WDFY4: variants seen among roughly 807,000 people sequenced by gnomAD.
WDFY4 encodes the protein WD repeat- and FYVE domain-containing protein 4.
A neutral mutation model predicts 351.9 loss-of-function variants in WDFY4; 169 were observed. The ratio of observed to expected loss-of-function variants is 0.48; its 90% CI spans 0.42 to 0.55. The LOEUF is 0.55. WDFY4 is among the 20% of genes least tolerant of loss of function. The pLI, the probability that WDFY4 is intolerant of heterozygous loss-of-function variation, is 0.00. For missense variants in WDFY4, 3,803 were observed against 3,935.6 expected (o/e 0.97, Z 0.90); for synonymous variants, 1,622 against 1,574.6 (o/e 1.03, Z -0.71).
rs751458506 is a variant in WDFY4, at chr10:48,731,598, T to A, written c.1582+36T>A. 14 of 1,530,960 alleles carry A rather than the reference T, an allele frequency of 9.1e-6. No homozygotes were observed. The South Asian group carries it at 1.5e-4, about 16-fold the overall frequency. 94.8% of individuals were successfully genotyped at this position (1,530,960 alleles called of 1,614,324 possible). ...GTGCATTGGGAGGGATGGGCAGGGG[T>A]CAGTGTCAGCCAGGCCTGACCTTTG... is the stretch of plus-strand genomic sequence containing the variant. On this transcript the variant is annotated intron_variant, in intron 9 of 61. Transcript: ENST00000325239.
At position 48,776,831 on chromosome 10, in the gene WDFY4, C is replaced by A. The variant is rs1034862880; in HGVS notation, c.2945C>A (p.Ala982Asp). 4 of 1,551,678 alleles carry A rather than the reference C, an allele frequency of 2.6e-6. No homozygotes were observed. The highest frequency in any genetic ancestry group is 1.2e-5 in the South Asian group (1 of 84,066). ...GGGCTGCACCCTGGAGTCACACAGG[C>A]CCCGCAGCCCTTGGGGGAATCCCAG... ...DAGLHPGVTQ[A>D]PQPLGESQDS... is the part of the protein sequence containing the mutation. Residue 982 changes from alanine (A) to aspartate (D), a missense_variant, in exon 16 of 62, where the codon GCC (alanine) becomes GAC (aspartate). Physicochemically the swap from Ala to Asp is moderately radical, Grantham distance 126. Around this residue, in one of 3 missense-constraint regions of WDFY4, gnomAD observed 3,054 missense variants for 3,148.6 expected, o/e 0.97. Coordinates refer to ENST00000325239, the MANE Select transcript of WDFY4 (RefSeq NM_001394531.1).
Position 48,720,036 on chromosome 10 carries a change from T to C in WDFY4, c.260T>C (p.Ile87Thr). The C allele has an allele frequency of 6.4e-7, 1 of 1,551,734 alleles. No individual in the cohort carries two copies. The highest frequency in any genetic ancestry group is 1.2e-5 in the South Asian group (1 of 84,058). The change falls in exon 3 of 62, where the codon ATC (isoleucine) becomes ACC (threonine). Residue 87 changes from isoleucine to threonine, a missense_variant. Coordinates refer to ENST00000325239, the MANE Select transcript of WDFY4 (RefSeq NM_001394531.1). ...GCCTGGGAACACTCCGTGGGGATCA[T>C]CTGCTTTCCCAGTCTCCAAAGGCTG... is the stretch of plus-strand genomic sequence containing the variant. ...LKAWEHSVGI[I>T]CFPSLQRLAE...
intron 49 of WDFY4, 105 bp downstream of exon 49, chr10:48,943,554 T>C: frequency 1.6e-6 from 2 of 1,236,892 alleles, no homozygotes; most frequent in Non-Finnish European, 2.2e-6. Context: ...TTCCGTCACA[T>C]GAACCTGGGT....
chr10:48,754,164 C>A (rs1321502997), intron 12 of WDFY4, among the ~76,000 whole-genome samples: 1 of 150,776 alleles, frequency 6.6e-6, no homozygotes, highest in Non-Finnish European at 1.5e-5. Flanking sequence ...ATTTAGTTTG[C>A]TAGCATTTTG....
intron 37 of WDFY4, 106 bp downstream of exon 37, chr10:48,829,002 C>A: frequency 1.1e-5 from 7 of 646,840 alleles, no homozygotes; most frequent in Admixed American, 3.3e-5. Context: ...TCGTCCTTCC[C>A]GAAATAAGAA....
At chr10:48,758,962 G>C (rs185946267) in intron 12 of WDFY4, among the ~76,000 whole-genome samples, 7 of 152,172 alleles carry the variant, frequency 4.6e-5, no homozygotes, top group African/African-American at 1.7e-4. Context: ...GCAATTTCAG[G>C]TTGTATTCTG....
intron 47 of WDFY4, among the ~76,000 whole-genome samples, chr10:48,902,552 T>G (rs1301909905): frequency 6.6e-6 from 1 of 152,030 alleles, no homozygotes; most frequent in Non-Finnish European, 1.5e-5. Flanking sequence ...TCTCACTAAT[T>G]CCTTCAAAAT....
Position 48,827,064 on chromosome 10 carries a change from G to A in WDFY4, c.6221+155G>A, listed in dbSNP as rs183025862. ...ATTTTGTGAAATGTTTGATAACATG[G>A]TAAGTAATCCCCAAACTTGTCCATG... On this transcript the variant is annotated intron_variant, in intron 36 of 61. Transcript: ENST00000325239. 1.9e-3 allele frequency among the ~76,000 whole-genome samples: 294 copies of A among 152,290 alleles called. 2 individuals are homozygous for A. Among genetic ancestry groups the A allele is most frequent in the African/African-American group, 6.9e-3 (287 of 41,564 alleles).
intron 1 of WDFY4, among the ~76,000 whole-genome samples, chr10:48,703,568 T>G (rs1383945836): frequency 1.3e-5 from 2 of 152,216 alleles, no homozygotes; most frequent in African/African-American, 2.4e-5. Context: ...AGTCCCAAGC[T>G]AACCCTTTGG....
At chr10:48,739,971 T>C (rs1328205414) in intron 11 of WDFY4, among the ~76,000 whole-genome samples, 1 of 152,204 alleles carries the variant, frequency 6.6e-6, no homozygotes, top group Non-Finnish European at 1.5e-5. Flanking sequence ...GAGGGGTTTA[T>C]AGTGGTCACC....
chr10:48,743,636 C>T, intron 12 of WDFY4, 88 bp downstream of exon 12: 3 of 1,395,990 alleles, frequency 2.1e-6, no homozygotes, highest in South Asian at 2.9e-5. Flanking sequence ...AGTAGGAAGG[C>T]TCAGCTACAG....
At chr10:48,790,667 A>C (rs11101486) in intron 22 of WDFY4, 60 bp from the exon 23 acceptor site, 157,009 of 1,518,004 alleles carry the variant, frequency 0.1, 10,494 homozygotes, top group African/African-American at 0.32. Flanking sequence ...GCTGTCGGGG[A>C]ATTTCCCATT....
chr10:48,780,834 G>A (rs1483318444), intron 19 of WDFY4, among the ~76,000 whole-genome samples: 5 of 152,134 alleles, frequency 3.3e-5, no homozygotes, highest in Admixed American at 6.5e-5. Context: ...ACCTGCAAAG[G>A]CTTTTTAAAG....
At chr10:48,710,662 C>T (rs1358274603) in intron 2 of WDFY4, among the ~76,000 whole-genome samples, 1 of 152,204 alleles carries the variant, frequency 6.6e-6, no homozygotes, top group African/African-American at 2.4e-5. Context: ...CCTCACACCC[C>T]AGGGATGCCA....
intron 7 of WDFY4, among the ~76,000 whole-genome samples, chr10:48,729,225 A>G (rs774516789): frequency 6.6e-6 from 1 of 152,212 alleles, no homozygotes; most frequent in African/African-American, 2.4e-5. Context: ...CAGGTTACAA[A>G]TGCACTTCTT....
rs985785291 is a variant in WDFY4 at position 48,935,886 on chromosome 10, A to G, written c.7587-5920A>G. On this transcript the variant is annotated intron_variant, in intron 47 of 61. Transcript: ENST00000325239. ...ATCATGAATAAGGCTGAAATTATCTATTTGTGCATCTATGGTCTTTTTTTT... is the reference window on the plus strand; with the variant it reads ...ATCATGAATAAGGCTGAAATTATCTGTTTGTGCATCTATGGTCTTTTTTTT... Among the ~76,000 whole-genome samples the G allele has an allele frequency of 4.3e-5, 6 of 140,078 alleles. No homozygotes were observed. In the South Asian group the frequency reaches 1.5e-3, roughly 34 times the overall value. 91.9% of individuals were successfully genotyped at this position (140,078 alleles called of 152,430 possible).
rs550549669 is a variant in WDFY4 at position 48,811,026 on chromosome 10, G to A, written c.5044+291G>A. 1.2e-4 allele frequency among the ~76,000 whole-genome samples: 18 copies of A among 152,256 alleles called. 1 individual carries two copies. The highest frequency in any genetic ancestry group is 8.3e-4 in the South Asian group (4 of 4,816). On this transcript the variant is annotated intron_variant, in intron 29 of 61. Coordinates refer to ENST00000325239, the MANE Select transcript of WDFY4 (RefSeq NM_001394531.1). The stretch of plus-strand genomic sequence containing the variant: ...CTCTGCTTCCTCTTCCTGAGGGGAT[G>A]CCTCTTCTCCTGATGTGGATTCATC...
At position 48,886,151 on chromosome 10, in the gene WDFY4, C is replaced by A. The variant is rs997346745; in HGVS notation, c.7168-4428C>A. ...CTCTGTTGCTGGGTACCTTCAGTCA[C>A]CTCTCTGGACCTCAGTTTTCCTACC... On this transcript the variant is annotated intron_variant, in intron 43 of 61. Transcript: ENST00000325239. Among the ~76,000 whole-genome samples the A allele has an allele frequency of 6.6e-5, 10 of 152,308 alleles. No individual in the cohort carries two copies. In the South Asian group the frequency reaches 2.1e-3, roughly 32 times the overall value.
intron 20 of WDFY4, 23 bp downstream of exon 20, chr10:48,786,893 A>G (rs1476346100): frequency 6.5e-6 from 10 of 1,541,006 alleles, no homozygotes; most frequent in Middle Eastern, 1.7e-4. Context: ...TTGATTTACA[A>G]TGTTCTTGCT....
Sources: gnomAD v4.1 joint callset for allele counts (sites outside exome capture counted in the v4.1 genomes callset) on GRCh38, gnomAD v4.1.1 for gene constraint, gnomAD v4.1.1 regional missense constraint, MANE v1.5 for transcripts, NCBI Gene and HGNC (gene_info 2026-07-23, HGNC 2026-07-21) for gene names.